The following TXK variants were observed in gnomAD, a reference collection of about 807,000 sequenced individuals.
The protein encoded by TXK is tyrosine-protein kinase TXK.
TXK carries 60 observed loss-of-function variants against 81.0 expected under a neutral mutation model. The observed-to-expected ratio is 0.74, with a 90% CI of 0.60 to 0.92. The LOEUF (loss-of-function observed/expected upper bound fraction) is 0.92. TXK is among the 40% of genes least tolerant of loss of function. The pLI is 0.00. For missense variants in TXK, 581 were observed against 638.3 expected (o/e 0.91, Z 0.97); for synonymous variants, 203 against 210.7 (o/e 0.96, Z 0.32).
At chr4:48,067,743 C>T in intron 14 of TXK, 38 bp from the exon 15 acceptor site, 1 of 1,587,068 alleles carries the variant, frequency 6.3e-7, no homozygotes, top group African/African-American at 1.3e-5. Context: ...CTCAGCTTAA[C>T]CAACTTATGC....
chr4:48,128,032 G>A (rs565568919), intron 1 of TXK, among the ~76,000 whole-genome samples: 24 of 152,272 alleles, frequency 1.6e-4, no homozygotes, highest in African/African-American at 5.3e-4. Context: ...GAGGACAAAG[G>A]AACAGATGTG....
chr4:48,074,050 G>T lies in TXK; in HGVS notation c.1242C>A (p.Tyr414Ter), dbSNP rs774179145. 6.2e-7 allele frequency: 1 copy of T among 1,609,782 alleles called. No homozygotes were observed. ...VKISDFGMTR[Y>*]VLDDEYVSSF... ...AACTGACATACTCATCATCCAAAACGTACCTAAGTTTATCAGATTCAAAGC... is the reference window on the plus strand; with the variant it reads ...AACTGACATACTCATCATCCAAAACTTACCTAAGTTTATCAGATTCAAAGC... The change falls in exon 13 of 15, where the codon TAC becomes TAA. Residue 414 changes from tyrosine (Y) to a stop codon, truncating the protein, a stop_gained. Transcript: ENST00000264316. LOFTEE classifies it high-confidence loss of function.
At chr4:48,133,137 G>A (rs1719288496) in intron 1 of TXK, among the ~76,000 whole-genome samples, 1 of 151,970 alleles carries the variant, frequency 6.6e-6, no homozygotes, top group African/African-American at 2.4e-5. Context: ...GCCCATAGTA[G>A]GTGCTCAATA....
intron 1 of TXK, among the ~76,000 whole-genome samples, chr4:48,122,867 T>C (rs1429874878): frequency 6.6e-6 from 1 of 152,202 alleles, no homozygotes; most frequent in Non-Finnish European, 1.5e-5. Flanking sequence ...CAGAGAGGAA[T>C]AACTCAGTCA....
chr4:48,093,778 C>T (rs1262620724), intron 8 of TXK, among the ~76,000 whole-genome samples: 2 of 152,034 alleles, frequency 1.3e-5, no homozygotes, highest in Non-Finnish European at 2.9e-5. Context: ...TTACATTTAG[C>T]CCTATGTAAA....
intron 1 of TXK, 60 bp from the exon 2 acceptor site, chr4:48,114,462 T>A: frequency 5.4e-6 from 8 of 1,477,066 alleles, no homozygotes; most frequent in Non-Finnish European, 7.6e-6. Flanking sequence ...ATTGAGGGAG[T>A]CTCTAAGGGA....
chr4:48,107,003 T>C (rs563697545), intron 5 of TXK, among the ~76,000 whole-genome samples: 1 of 152,144 alleles, frequency 6.6e-6, no homozygotes, highest in Non-Finnish European at 1.5e-5. Context: ...AAGACTTGCA[T>C]AGGGCTTATT....
At chr4:48,123,437 C>T (rs1316448995) in intron 1 of TXK, among the ~76,000 whole-genome samples, 1 of 152,126 alleles carries the variant, frequency 6.6e-6, no homozygotes, top group Non-Finnish European at 1.5e-5. Flanking sequence ...TGAATGAGTC[C>T]ACCACAGAAA....
At chr4:48,069,310 A>G (rs1293316719) in intron 14 of TXK, among the ~76,000 whole-genome samples, 1 of 128,186 alleles carries the variant, frequency 7.8e-6, no homozygotes, top group Admixed American at 8.6e-5. Context: ...TCAAAAATAA[A>G]TCAATCTTTT....
chr4:48,089,105 G>A (rs1717649039), intron 9 of TXK, among the ~76,000 whole-genome samples: 1 of 152,128 alleles, frequency 6.6e-6, no homozygotes, highest in Non-Finnish European at 1.5e-5. Context: ...TCTTGGAGAG[G>A]AATCATTTCC....
chr4:48,087,444 T>TTA (rs1281933037), intron 9 of TXK, among the ~76,000 whole-genome samples: 74 of 151,618 alleles, frequency 4.9e-4, no homozygotes, highest in Middle Eastern at 3.4e-3. Flanking sequence ...TATTATTATT[T>TTA]TTTTTTTTGG....
In TXK at chr4:48,120,323, T is replaced by C. The variant is rs533759758; in HGVS notation, c.17-5921A>G. ...GTTACTTCAGCTATTAAAATACATA[T>C]ATACGTATATATACACATATATACG... On this transcript the variant is annotated intron_variant, in intron 1 of 14. Transcript: ENST00000264316. 1.0e-4 allele frequency among the ~76,000 whole-genome samples: 15 copies of C among 149,408 alleles called. 1 individual carries two copies. The highest frequency in any genetic ancestry group is 3.7e-4 in the African/African-American group (15 of 40,866).
At chr4:48,124,563 C>T (rs2661532) in intron 1 of TXK, among the ~76,000 whole-genome samples, 90,860 of 151,432 alleles carry the variant, frequency 0.6, 27,660 homozygotes, top group South Asian at 0.75. Context: ...CTGAGCTCTT[C>T]TTTTTTTCCA....
At chr4:48,081,100 G>GAT (rs1050151596) in intron 10 of TXK, among the ~76,000 whole-genome samples, 11 of 151,370 alleles carry the variant, frequency 7.3e-5, no homozygotes, top group Admixed American at 1.3e-4. Flanking sequence ...TTAATTTGGA[G>GAT]ATATATATAT....
At chr4:48,131,891 G>A (rs1383373526) in intron 1 of TXK, among the ~76,000 whole-genome samples, 1 of 152,156 alleles carries the variant, frequency 6.6e-6, no homozygotes, top group Non-Finnish European at 1.5e-5. Context: ...TCCTGCCAGT[G>A]GAGGTGGCAG....
chr4:48,088,455 TGTG>T lies in TXK; in HGVS notation c.784+1292_784+1294del, dbSNP rs1717624840. ...CTACAAGAAGCATGGCTAAATCAGT[TGTG>T]GTATGTCATGCAGTGTAGCACTGCA... On this transcript the variant is annotated intron_variant, in intron 9 of 14. Transcript: ENST00000264316. 3.9e-5 allele frequency among the ~76,000 whole-genome samples: 6 copies of T among 152,354 alleles called. 1 individual carries two copies. The highest frequency in any genetic ancestry group is 1.4e-4 in the African/African-American group (6 of 41,592).
intron 4 of TXK, 120 bp downstream of exon 4, chr4:48,112,187 C>A: frequency 1.1e-6 from 1 of 926,920 alleles, no homozygotes. Context: ...CTCACACATC[C>A]TGGGGGAGAG....
chr4:48,130,455 G>C (rs1446840691), intron 1 of TXK, among the ~76,000 whole-genome samples: 1 of 152,072 alleles, frequency 6.6e-6, no homozygotes, highest in Admixed American at 6.5e-5. Flanking sequence ...GATTCTCTGC[G>C]GGCTGCCTGA....
intron 4 of TXK, 107 bp downstream of exon 4, chr4:48,112,200 G>A (rs1409349239): frequency 9.6e-7 from 1 of 1,044,776 alleles, no homozygotes; most frequent in African/African-American, 1.6e-5. Context: ...GGGGAGAGGG[G>A]ACAGATTCCA....
Sources: allele counts gnomAD v4.1 joint callset (sites outside exome capture counted in the v4.1 genomes callset), GRCh38; gene constraint gnomAD v4.1.1; transcripts MANE v1.5; gene names NCBI Gene and HGNC (gene_info 2026-07-23, HGNC 2026-07-21).